The following ADAMTS2 variants were observed in gnomAD, a reference collection of about 807,000 sequenced individuals.
ADAMTS2 encodes ADAM metallopeptidase with thrombospondin type 1 motif 2.
In ADAMTS2, 50 loss-of-function variants were observed where a neutral mutation model predicts 123.0. That is an observed-to-expected ratio of 0.41 (90% CI 0.32 to 0.51). The LOEUF (loss-of-function observed/expected upper bound fraction) is 0.51. Ranked by LOEUF, ADAMTS2 falls within the 20% of genes least tolerant of loss-of-function variation. The pLI, the probability that ADAMTS2 is intolerant of heterozygous loss-of-function variation, is 0.35. For missense variants in ADAMTS2, 1,494 were observed against 1,705.2 expected, an observed-to-expected ratio of 0.88 and a Z score of 2.18; for synonymous variants, 678 against 695.4, an observed-to-expected ratio of 0.98 and a Z score of 0.39.
intron 3 of ADAMTS2, among the ~76,000 whole-genome samples, chr5:179,217,365 G>A (rs1030462495): frequency 3.3e-5 from 5 of 152,248 alleles, no homozygotes; most frequent in African/African-American, 1.2e-4. Flanking sequence ...AAAGGATACG[G>A]TTTGATCACC....
rs1762643457 is a variant in ADAMTS2 at position 179,115,563 on chromosome 5, TCTC to T, written c.3179-1242_3179-1240del. Among the ~76,000 whole-genome samples the T allele has an allele frequency of 6.6e-6, 1 of 150,556 alleles. No homozygotes were observed. The highest frequency in any genetic ancestry group is 2.5e-5 in the African/African-American group (1 of 40,790). On this transcript the variant is annotated intron_variant, in intron 21 of 21. Coordinates refer to ENST00000251582, the MANE Select transcript of ADAMTS2 (RefSeq NM_014244.5). This position sits in a 1 kb window ranked among gnomAD's most constrained non-coding sequence, Gnocchi z 4.4. ...CCGACGTGCCCTCCTTTTCCCTCAC[TCTC>T]CTTAGTTGAACTCATCTACTATTGA...
chr5:179,241,236 T>C (rs867271722), intron 3 of ADAMTS2, among the ~76,000 whole-genome samples: 2 of 152,316 alleles, frequency 1.3e-5, no homozygotes, highest in Non-Finnish European at 2.9e-5. Flanking sequence ...CTTGTCACTG[T>C]GTTGCCAGGG....
At chr5:179,267,612 A>G (rs1423240038) in intron 3 of ADAMTS2, among the ~76,000 whole-genome samples, 1 of 152,214 alleles carries the variant, frequency 6.6e-6, no homozygotes, top group Non-Finnish European at 1.5e-5. Context: ...AGAGCAGCCC[A>G]CAGAGGAGGG....
In ADAMTS2 at chr5:179,202,538, T is replaced by C. The variant is rs1223202189; in HGVS notation, c.891+4975A>G. Among the ~76,000 whole-genome samples the C allele has an allele frequency of 1.3e-5, 2 of 152,212 alleles. No homozygotes were observed. Among genetic ancestry groups the C allele is most frequent in the African/African-American group, 4.8e-5 (2 of 41,458 alleles). On this transcript the variant is annotated intron_variant, in intron 4 of 21. Coordinates refer to ENST00000251582, the MANE Select transcript of ADAMTS2 (RefSeq NM_014244.5). The surrounding 1 kb of genome is among the most constrained non-coding windows in gnomAD (Gnocchi z 4.0). ...ATCGTCTGTGCCTCCCTTCCCAGAATGCAAGGTAGCAGGGTTACGTCCTGT... is the reference window on the plus strand; with the variant it reads ...ATCGTCTGTGCCTCCCTTCCCAGAACGCAAGGTAGCAGGGTTACGTCCTGT...
At chr5:179,274,024 G>A (rs1325812295) in intron 2 of ADAMTS2, among the ~76,000 whole-genome samples, 4 of 110,606 alleles carry the variant, frequency 3.6e-5, no homozygotes, top group African/African-American at 7.2e-5. Flanking sequence ...TCCCCAGCTC[G>A]GCCATCTGGT....
chr5:179,120,229 T>C (rs1762728124), intron 21 of ADAMTS2: 1 of 152,172 alleles, frequency 6.6e-6, no homozygotes, highest in African/African-American at 2.4e-5. Flanking sequence ...AGGAGGTCTT[T>C]CCATCATTAG....
chr5:179,165,530 C>A (rs1382845737), intron 5 of ADAMTS2, among the ~76,000 whole-genome samples: 1 of 152,126 alleles, frequency 6.6e-6, no homozygotes, highest in Non-Finnish European at 1.5e-5. Flanking sequence ...AGGGGGGGAC[C>A]AGGAGTGAGC....
intron 5 of ADAMTS2, among the ~76,000 whole-genome samples, chr5:179,161,181 TCC>T (rs968437416): frequency 2.0e-5 from 3 of 152,068 alleles, no homozygotes; most frequent in African/African-American, 7.2e-5. Context: ...TCATCTCGAG[TCC>T]CTGCCAGGTA....
chr5:179,220,287 G>A (rs968891197), intron 3 of ADAMTS2, among the ~76,000 whole-genome samples: 6 of 152,318 alleles, frequency 3.9e-5, no homozygotes, highest in African/African-American at 1.2e-4. Flanking sequence ...GGTGGGGGCC[G>A]GCAAGTGGGG....
At chr5:179,245,786 A>AAAAAAAAAAAAAAAAAAAAAAAAAG (rs1765782949) in intron 3 of ADAMTS2, among the ~76,000 whole-genome samples, 1 of 135,664 alleles carries the variant, frequency 7.4e-6, no homozygotes, top group East Asian at 2.0e-4. Context: ...AAAAAAAAAA[A>AAAAAAAAAAAAAAAAAAAAAAAAAG]AAAAAAAAAC....
intron 4 of ADAMTS2, among the ~76,000 whole-genome samples, chr5:179,200,186 T>C (rs916152505): frequency 2.0e-5 from 3 of 151,926 alleles, no homozygotes; most frequent in South Asian, 2.1e-4. Context: ...TAAGAATGCA[T>C]TGCATGTAAT....
intron 13 of ADAMTS2, among the ~76,000 whole-genome samples, chr5:179,133,664 G>A (rs116006111): frequency 0.019 from 2,939 of 151,938 alleles, 106 homozygotes; most frequent in African/African-American, 0.065. Flanking sequence ...TTCTAATTAT[G>A]CAAAATTGAG....
At chr5:179,200,831 G>A (rs1300637794) in intron 4 of ADAMTS2, among the ~76,000 whole-genome samples, 1 of 152,052 alleles carries the variant, frequency 6.6e-6, no homozygotes, top group Non-Finnish European at 1.5e-5. Flanking sequence ...AAAACAAAAG[G>A]TCAACAACAG....
chr5:179,229,780 G>A (rs543327432), intron 3 of ADAMTS2, among the ~76,000 whole-genome samples: 3 of 152,320 alleles, frequency 2.0e-5, no homozygotes, highest in Admixed American at 6.5e-5. Context: ...CAAGTCCAGC[G>A]CACATCATCC....
At chr5:179,133,426 C>T (rs1218867782) in intron 13 of ADAMTS2, among the ~76,000 whole-genome samples, 1 of 151,786 alleles carries the variant, frequency 6.6e-6, no homozygotes, top group African/African-American at 2.4e-5. Flanking sequence ...CACCACCATG[C>T]CTGGCTAATT....
intron 3 of ADAMTS2, among the ~76,000 whole-genome samples, chr5:179,241,807 G>T (rs1373232230): frequency 6.6e-6 from 1 of 152,216 alleles, no homozygotes; most frequent in Non-Finnish European, 1.5e-5. Flanking sequence ...ATAAACTATA[G>T]GCAAAATAGT....
At chr5:179,302,379 CAAAAAAAA>C (rs1166990772) in intron 2 of ADAMTS2, among the ~76,000 whole-genome samples, 2 of 38,184 alleles carry the variant, frequency 5.2e-5, no homozygotes, top group Non-Finnish European at 9.0e-5. Flanking sequence ...AAGACCGTCT[CAAAAAAAA>C]AAAAAAAAAA....
intron 2 of ADAMTS2, among the ~76,000 whole-genome samples, chr5:179,283,226 GA>G (rs199897117): frequency 1.9e-4 from 28 of 148,906 alleles, no homozygotes; most frequent in African/African-American, 5.9e-4. Flanking sequence ...ATATATTCTG[GA>G]AAAAAAAAGC....
chr5:179,345,192 G>T lies in ADAMTS2; in HGVS notation c.137C>A (p.Pro46Gln). Residue 46 changes from proline (P) to glutamine (Q), a missense_variant and splice_region_variant, in exon 1 of 22, where the codon CCA becomes CAA. Coordinates refer to ENST00000251582, the MANE Select transcript of ADAMTS2 (RefSeq NM_014244.5). This position sits in a 1 kb window ranked among gnomAD's most constrained non-coding sequence, Gnocchi z 7.5. ...NARLAAAADPPGGPLGHGAER... is the reference protein window; with the variant it reads ...NARLAAAADPQGGPLGHGAER... ...AGTAGGGGCCGGGCCGCACCTACCT[G>T]GGGGGTCGGCGGCGGCGGCGAGCCT... is the stretch of plus-strand genomic sequence containing the variant. 7 of 1,110,860 alleles carry T rather than the reference G, an allele frequency of 6.3e-6. No homozygotes were observed. Among genetic ancestry groups the T allele is most frequent in the Non-Finnish European group, 7.6e-6 (7 of 915,928 alleles). 68.8% of individuals were successfully genotyped at this position (1,110,860 alleles called of 1,614,324 possible).
Sources: gnomAD v4.1 joint callset for allele counts (sites outside exome capture counted in the v4.1 genomes callset) on GRCh38, gnomAD v4.1.1 for gene constraint, Gnocchi (gnomAD v3.1) non-coding constraint, MANE v1.5 for transcripts, NCBI Gene and HGNC (gene_info 2026-07-23, HGNC 2026-07-21) for gene names.